Variants in HEMK2 observed in about 807,000 individuals in gnomAD.
The protein encoded by HEMK2 is methyltransferase HEMK2.
the HEMK2 span, among the ~76,000 whole-genome samples, chr21:28,768,745 A>AC: frequency 6.6e-6 from 1 of 151,616 alleles, no homozygotes; most frequent in East Asian, 1.9e-4. Context: ...CTAAATTTTG[A>AC]CCCCCTAAAA....
the HEMK2 span, among the ~76,000 whole-genome samples, chr21:28,811,114 G>C: frequency 6.6e-6 from 1 of 152,064 alleles, no homozygotes; most frequent in African/African-American, 2.4e-5. Context: ...AGGCACAATG[G>C]CTCATGCCTG....
the HEMK2 span, among the ~76,000 whole-genome samples, chr21:28,630,785 G>C: frequency 5.1e-5 from 6 of 118,410 alleles, no homozygotes; most frequent in Non-Finnish European, 3.5e-5. Flanking sequence ...GTCGTGGGGT[G>C]GGGGGAGGGG....
the HEMK2 span, among the ~76,000 whole-genome samples, chr21:28,787,378 T>C: frequency 1.3e-5 from 2 of 151,994 alleles, no homozygotes; most frequent in African/African-American, 4.8e-5. Flanking sequence ...CTAATTAAAC[T>C]AAAGAGCTTT....
the HEMK2 span, among the ~76,000 whole-genome samples, chr21:28,807,566 AC>A: frequency 6.6e-6 from 1 of 151,992 alleles, no homozygotes; most frequent in African/African-American, 2.4e-5. Context: ...AGTCATCTTT[AC>A]CCCCACTCCA....
At chr21:28,737,096 AGTTT>A in the HEMK2 span, among the ~76,000 whole-genome samples, 1 of 152,022 alleles carries the variant, frequency 6.6e-6, no homozygotes, top group South Asian at 2.1e-4. Flanking sequence ...TCCTCAGTGA[AGTTT>A]GTTGGTTGGT....
At chr21:28,696,105 G>A in the HEMK2 span, among the ~76,000 whole-genome samples, 1 of 148,718 alleles carries the variant, frequency 6.7e-6, no homozygotes, top group African/African-American at 2.4e-5. Flanking sequence ...CAAGTGAAAG[G>A]GGTTTCCCCT....
the HEMK2 span, chr21:28,882,074 G>T: frequency 9.7e-7 from 1 of 1,031,408 alleles, no homozygotes; most frequent in Non-Finnish European, 1.4e-6. Flanking sequence ...TGGGTCAAAA[G>T]TTAATTACTT....
the HEMK2 span, among the ~76,000 whole-genome samples, chr21:28,749,440 A>C: frequency 2.0e-5 from 3 of 152,218 alleles, no homozygotes; most frequent in South Asian, 6.2e-4. Context: ...TGATTACCTC[A>C]AAGTCAGAGG....
the HEMK2 span, among the ~76,000 whole-genome samples, chr21:28,629,778 C>T: frequency 6.6e-6 from 1 of 152,164 alleles, no homozygotes; most frequent in Non-Finnish European, 1.5e-5. Flanking sequence ...GAGACATAAC[C>T]TACCAGTATC....
the HEMK2 span, chr21:28,885,089 T>C: frequency 3.7e-6 from 5 of 1,351,038 alleles, no homozygotes; most frequent in South Asian, 5.2e-5. Context: ...CTGTCAATCA[T>C]CTGCAAGTGG....
At chr21:28,801,077 GA>G in the HEMK2 span, among the ~76,000 whole-genome samples, 1 of 152,360 alleles carries the variant, frequency 6.6e-6, no homozygotes, top group South Asian at 2.1e-4. Flanking sequence ...CACTGTGGAA[GA>G]AACAGGGCAC....
the HEMK2 span, among the ~76,000 whole-genome samples, chr21:28,633,857 A>C: frequency 6.6e-3 from 1,011 of 152,320 alleles, 17 homozygotes; most frequent in African/African-American, 0.022. Context: ...TCTGAAACCT[A>C]TCTGCCATCC....
At chr21:28,767,451 A>G in the HEMK2 span, among the ~76,000 whole-genome samples, 2 of 152,100 alleles carry the variant, frequency 1.3e-5, no homozygotes, top group African/African-American at 2.4e-5. Flanking sequence ...ATGTTCTTGA[A>G]AAATTATTGA....
the HEMK2 span, among the ~76,000 whole-genome samples, chr21:28,717,549 G>A: frequency 5.8e-5 from 8 of 138,160 alleles, no homozygotes; most frequent in South Asian, 2.3e-4. Flanking sequence ...GCATGCTCTC[G>A]GCTCACAGCA....
the HEMK2 span, among the ~76,000 whole-genome samples, chr21:28,705,781 G>A: frequency 2.0e-5 from 3 of 152,078 alleles, no homozygotes; most frequent in South Asian, 4.2e-4. Context: ...CAACGTTCTC[G>A]CCTTTTCCAG....
chr21:28,827,776 T>G, the HEMK2 span, among the ~76,000 whole-genome samples: 2 of 152,236 alleles, frequency 1.3e-5, no homozygotes, highest in Non-Finnish European at 2.9e-5. Context: ...GTTTTTGCTT[T>G]GATGAGTTCT....
At chr21:28,832,023 C>T in the HEMK2 span, among the ~76,000 whole-genome samples, 3 of 152,200 alleles carry the variant, frequency 2.0e-5, no homozygotes, top group East Asian at 5.8e-4. Flanking sequence ...ATTTTTTTAA[C>T]AAGGAATGTA....
the HEMK2 span, among the ~76,000 whole-genome samples, chr21:28,810,398 G>A: frequency 2.0e-5 from 3 of 152,232 alleles, no homozygotes; most frequent in East Asian, 5.8e-4. Flanking sequence ...ATCAAAAAGG[G>A]CATGAATTTA....
At chr21:28,878,320 C>T in the HEMK2 span, 1 of 1,613,498 alleles carries the variant, frequency 6.2e-7, no homozygotes, top group African/African-American at 1.3e-5. Context: ...TGCCTCTATT[C>T]CGTGACTTCC....
Sources: allele counts gnomAD v4.1 joint callset (sites outside exome capture counted in the v4.1 genomes callset), GRCh38; gene constraint gnomAD v4.1.1; transcripts MANE v1.5; gene names NCBI Gene and HGNC (gene_info 2026-07-23, HGNC 2026-07-21).